The following GREB1L variants were observed in gnomAD, a reference collection of about 807,000 sequenced individuals.
GREB1L encodes the protein GREB1-like protein.
Under a neutral mutation model 200.8 loss-of-function variants are expected in GREB1L, and 17 were observed. The ratio of observed to expected loss-of-function variants is 0.08; its 90% confidence interval spans 0.06 to 0.13. The LOEUF is 0.13. Ranked by LOEUF, GREB1L falls within the 10% of genes least tolerant of loss-of-function variation. The probability of loss-of-function intolerance (pLI) is 1.00; values close to 1 mark genes in which losing one functional copy is unlikely to be tolerated. For synonymous variants in GREB1L, 789 were observed against 893.0 expected, an observed-to-expected ratio of 0.88 and a Z score of 2.08; for missense variants, 1,657 against 2,367.7, an observed-to-expected ratio of 0.70 and a Z score of 6.23.
At chr18:21,371,687 G>A (rs1041231300) in intron 2 of GREB1L, among the ~76,000 whole-genome samples, 3 of 151,238 alleles carry the variant, frequency 2.0e-5, no homozygotes, top group Non-Finnish European at 4.4e-5. Context: ...GGGAGGCTGA[G>A]GCAGGAGAAT....
At chr18:21,283,410 A>T (rs1182613168) in intron 1 of GREB1L, among the ~76,000 whole-genome samples, 1 of 152,214 alleles carries the variant, frequency 6.6e-6, no homozygotes, top group Non-Finnish European at 1.5e-5. Flanking sequence ...CCAAATGAAG[A>T]GGTGAAGAAC....
At position 21,496,470 on chromosome 18, in the gene GREB1L, G is replaced by T; in HGVS notation, c.3163G>T (p.Asp1055Tyr). Residue 1055 changes from aspartate to tyrosine, a missense_variant, in exon 21 of 33, where the codon GAC (aspartate) becomes TAC (tyrosine). By Grantham distance (160) the Asp-to-Tyr change is radical (BLOSUM62 -3). Coordinates refer to ENST00000424526, the MANE Select transcript of GREB1L (RefSeq NM_001142966.3). ...ETFPRSLKYC[D>Y]LRLIDSSYLT... ...TTTGTTCAGGTCTTTGAAGTACTGT[G>T]ACCTCCGGTTAATTGACTCAAGCTA... The T allele has an allele frequency of 6.4e-7, 1 of 1,551,694 alleles. No homozygotes were observed. Among genetic ancestry groups the T allele is most frequent in the South Asian group, 1.2e-5 (1 of 84,038 alleles).
chr18:21,426,973 CAAAAAAAAA>C (rs56776768), intron 7 of GREB1L, among the ~76,000 whole-genome samples: 7 of 83,788 alleles, frequency 8.4e-5, no homozygotes, highest in African/African-American at 2.3e-4. Flanking sequence ...AAAAAAAAAA[CAAAAAAAAA>C]AAAAACAAAA....
intron 6 of GREB1L, chr18:21,401,816 T>C (rs1257602721): frequency 6.6e-6 from 1 of 152,380 alleles, no homozygotes; most frequent in East Asian, 1.9e-4. Context: ...TAGGAAGAAC[T>C]TAACTTATTT....
intron 1 of GREB1L, among the ~76,000 whole-genome samples, chr18:21,282,297 C>T (rs1479414776): frequency 6.6e-6 from 1 of 151,968 alleles, no homozygotes; most frequent in Non-Finnish European, 1.5e-5. Context: ...ATGGTGAATA[C>T]CTTTCATGTC....
At chr18:21,277,118 C>T (rs549332234) in intron 1 of GREB1L, among the ~76,000 whole-genome samples, 95 of 151,864 alleles carry the variant, frequency 6.3e-4, no homozygotes, top group Non-Finnish European at 7.8e-4. Context: ...TTAGTAGAGA[C>T]GGGGTTTCAT....
At chr18:21,307,683 G>C (rs566224495) in intron 1 of GREB1L, among the ~76,000 whole-genome samples, 1 of 152,172 alleles carries the variant, frequency 6.6e-6, no homozygotes, top group Non-Finnish European at 1.5e-5. Context: ...CTGTCTGTGA[G>C]GACCACAGTG....
chr18:21,501,319 G>A (rs746874697), intron 23 of GREB1L, among the ~76,000 whole-genome samples: 36 of 151,224 alleles, frequency 2.4e-4, no homozygotes, highest in East Asian at 1.2e-3. Flanking sequence ...AGCTGTATAC[G>A]TGTGCCATGG....
At chr18:21,493,374 C>G (rs2145877486) in intron 19 of GREB1L, among the ~76,000 whole-genome samples, 1 of 152,240 alleles carries the variant, frequency 6.6e-6, no homozygotes, top group South Asian at 2.1e-4. Flanking sequence ...TTGTATTATC[C>G]TTGAACTCAA....
rs1360696255 is a variant in GREB1L, at chr18:21,449,634, A to G, written c.1518A>G (p.Gln506=). 6.4e-7 allele frequency: 1 copy of G among 1,550,808 alleles called. No homozygotes were observed. The highest frequency in any genetic ancestry group is 1.4e-5 in the African/African-American group (1 of 72,834). The change falls in exon 12 of 33, where the codon CAA becomes CAG. Residue 506 remains glutamine, a synonymous_variant. Transcript: ENST00000424526. ...GAQCVPVSPG[Q]LPWLARLIAS... Reference sequence around the variant, plus strand: ...AGTGTGTCCCTGTGTCACCAGGACAACTCCCCTGGCTTGCTAGATTAATTG... The same window carrying G: ...AGTGTGTCCCTGTGTCACCAGGACAGCTCCCCTGGCTTGCTAGATTAATTG...
At chr18:21,308,925 T>C (rs542786908) in intron 1 of GREB1L, among the ~76,000 whole-genome samples, 56 of 152,336 alleles carry the variant, frequency 3.7e-4, no homozygotes, top group Non-Finnish European at 6.9e-4. Context: ...TTCTATATGG[T>C]GACCTCTGTG....
At chr18:21,334,204 C>T (rs1317632118) in intron 1 of GREB1L, among the ~76,000 whole-genome samples, 4 of 152,068 alleles carry the variant, frequency 2.6e-5, no homozygotes, top group Admixed American at 6.5e-5. Flanking sequence ...TTGTAGGGTC[C>T]GATTCAGATT....
intron 1 of GREB1L, among the ~76,000 whole-genome samples, chr18:21,300,592 C>T (rs564823275): frequency 1.3e-5 from 2 of 152,230 alleles, no homozygotes; most frequent in East Asian, 1.9e-4. Flanking sequence ...GATGTAATTA[C>T]GTTGTTTTAA....
intron 7 of GREB1L, among the ~76,000 whole-genome samples, chr18:21,433,322 G>T (rs2033303421): frequency 6.6e-6 from 1 of 152,068 alleles, no homozygotes; most frequent in South Asian, 2.1e-4. Flanking sequence ...GTACCAATTT[G>T]AATTCATTGT....
chr18:21,394,900 C>T (rs2040977139), intron 4 of GREB1L, among the ~76,000 whole-genome samples: 2 of 148,598 alleles, frequency 1.3e-5, no homozygotes, highest in South Asian at 4.3e-4. Flanking sequence ...TCGAAACCAG[C>T]CTGGCCAACA....
chr18:21,310,607 G>C (rs1425251240), intron 1 of GREB1L, among the ~76,000 whole-genome samples: 1 of 152,078 alleles, frequency 6.6e-6, no homozygotes, highest in African/African-American at 2.4e-5. Flanking sequence ...TTAATGTTAT[G>C]ATTAAAACAG....
chr18:21,285,665 G>A (rs1301417939), intron 1 of GREB1L, among the ~76,000 whole-genome samples: 1 of 152,246 alleles, frequency 6.6e-6, no homozygotes, highest in South Asian at 2.1e-4. Flanking sequence ...AAATATTTTT[G>A]TCTGAAATTA....
intron 23 of GREB1L, among the ~76,000 whole-genome samples, 178 bp from the exon 24 acceptor site, chr18:21,505,234 G>A (rs1335089021): frequency 2.6e-5 from 4 of 152,190 alleles, no homozygotes; most frequent in African/African-American, 9.7e-5. Flanking sequence ...GAGGGCAAAT[G>A]TTCCTCTCAG....
At chr18:21,265,868 A>G (rs1158790684) in intron 1 of GREB1L, among the ~76,000 whole-genome samples, 2 of 152,124 alleles carry the variant, frequency 1.3e-5, no homozygotes, top group Non-Finnish European at 2.9e-5. Flanking sequence ...TCATGTCACT[A>G]ATTTGGCCCC....
Sources: allele counts gnomAD v4.1 joint callset (sites outside exome capture counted in the v4.1 genomes callset), GRCh38; gene constraint gnomAD v4.1.1; transcripts MANE v1.5; gene names NCBI Gene and HGNC (gene_info 2026-07-23, HGNC 2026-07-21).